PAPSS1: variants seen among roughly 807,000 people sequenced by gnomAD.
The protein encoded by PAPSS1 is bifunctional 3'-phosphoadenosine 5'-phosphosulfate synthase 1.
Under a neutral mutation model 72.0 loss-of-function variants are expected in PAPSS1, and 50 were observed. The observed-to-expected ratio is 0.69, with a 90% CI of 0.55 to 0.88. The LOEUF is 0.88. Among genes scored for constraint, PAPSS1 ranks in the 40% least tolerant of loss-of-function variants. The pLI, the probability that PAPSS1 is intolerant of heterozygous loss-of-function variation, is 0.00. For synonymous variants in PAPSS1, 261 were observed against 263.6 expected (o/e 0.99, Z 0.09); for missense variants, 657 against 782.2 (o/e 0.84, Z 1.91).
At chr4:107,680,746 A>G (rs950262679) in intron 5 of PAPSS1, among the ~76,000 whole-genome samples, 3 of 152,200 alleles carry the variant, frequency 2.0e-5, no homozygotes, top group African/African-American at 7.2e-5. Context: ...CTTTGGAGAG[A>G]TAAGGAGGAA....
chr4:107,712,878 G>GAAA (rs11380474), intron 1 of PAPSS1, among the ~76,000 whole-genome samples: 4 of 140,160 alleles, frequency 2.9e-5, no homozygotes, highest in Admixed American at 1.4e-4. Flanking sequence ...TCTCGGGAAA[G>GAAA]AAAAAAAAAA....
At chr4:107,672,735 G>A (rs1173061261) in intron 5 of PAPSS1, among the ~76,000 whole-genome samples, 1 of 152,196 alleles carries the variant, frequency 6.6e-6, no homozygotes, top group African/African-American at 2.4e-5. Context: ...CTCCCAGCAT[G>A]CAGCTGGAGA....
At chr4:107,688,056 A>G (rs1722833546) in intron 3 of PAPSS1, among the ~76,000 whole-genome samples, 1 of 151,978 alleles carries the variant, frequency 6.6e-6, no homozygotes, top group South Asian at 2.1e-4. Flanking sequence ...CTGTCATACA[A>G]ATTTATCTAC....
At chr4:107,650,454 T>G (rs972504551) in intron 9 of PAPSS1, among the ~76,000 whole-genome samples, 1 of 152,168 alleles carries the variant, frequency 6.6e-6, no homozygotes, top group Non-Finnish European at 1.5e-5. Flanking sequence ...AGTCCCTAAT[T>G]ATGAATAAGT....
intron 6 of PAPSS1, among the ~76,000 whole-genome samples, chr4:107,657,262 C>T (rs1307388736): frequency 1.3e-5 from 2 of 152,186 alleles, no homozygotes; most frequent in African/African-American, 4.8e-5. Context: ...TCAAACTTTA[C>T]CTCAAACCCC....
At chr4:107,689,910 A>T (rs1722874530) in intron 3 of PAPSS1, among the ~76,000 whole-genome samples, 1 of 152,152 alleles carries the variant, frequency 6.6e-6, no homozygotes, top group Non-Finnish European at 1.5e-5. Flanking sequence ...TTATTCAGAA[A>T]GCACCATGCT....
intron 11 of PAPSS1, among the ~76,000 whole-genome samples, chr4:107,623,685 T>G (rs570919855): frequency 1.3e-5 from 2 of 152,116 alleles, no homozygotes; most frequent in African/African-American, 4.8e-5. Context: ...TGAATGGGAG[T>G]GTCTCCTGTT....
At chr4:107,650,714 GAA>G (rs1726816072) in intron 9 of PAPSS1, among the ~76,000 whole-genome samples, 1 of 152,074 alleles carries the variant, frequency 6.6e-6, no homozygotes, top group South Asian at 2.1e-4. Flanking sequence ...CTTTGAATAA[GAA>G]ATCTGGAGAT....
At position 107,634,094 on chromosome 4, in the gene PAPSS1, T is replaced by C. The variant is rs182717642; in HGVS notation, c.1507-2234A>G. 1.1e-3 allele frequency among the ~76,000 whole-genome samples: 166 copies of C among 152,192 alleles called. 2 individuals carry two copies. The highest frequency in any genetic ancestry group is 0.01 in the Admixed American group (158 of 15,286). On this transcript the variant is annotated intron_variant, in intron 10 of 11. Coordinates refer to ENST00000265174, the MANE Select transcript of PAPSS1 (RefSeq NM_005443.5). The stretch of plus-strand genomic sequence containing the variant: ...GTGCAGTGGTGCAAAAATGGTTTAC[T>C]GCAGGTTCAGCCTCCCGGGCTCAGG...
chr4:107,665,698 G>T (rs1727297451), intron 5 of PAPSS1, among the ~76,000 whole-genome samples: 1 of 152,150 alleles, frequency 6.6e-6, no homozygotes, highest in African/African-American at 2.4e-5. Flanking sequence ...TGTAAGTCTA[G>T]AGATATTATA....
intron 10 of PAPSS1, among the ~76,000 whole-genome samples, chr4:107,637,181 AATTGTTCT>A (rs1726406907): frequency 6.6e-6 from 1 of 152,164 alleles, no homozygotes. Flanking sequence ...TCAGAGTTAG[AATTGTTCT>A]AGATTCATCC....
At chr4:107,681,228 T>C (rs776025343) in intron 5 of PAPSS1, among the ~76,000 whole-genome samples, 4 of 152,054 alleles carry the variant, frequency 2.6e-5, no homozygotes, top group Non-Finnish European at 4.4e-5. Context: ...GGAAAGATGA[T>C]GTCTTTTTCT....
chr4:107,656,143 C>T lies in PAPSS1; in HGVS notation c.895+753G>A, dbSNP rs146100888. Among the ~76,000 whole-genome samples the T allele has an allele frequency of 2.9e-3, 438 of 152,218 alleles. 2 individuals are homozygous for T. The highest frequency in any genetic ancestry group is 1.0e-2 in the African/African-American group (414 of 41,536). ...TATTTGTTTTTTTGAGACAGAGTCT[C>T]ATCCTTTCGCCCAGGCTAGAGTATA... On this transcript the variant is annotated intron_variant, in intron 7 of 11. Transcript: ENST00000265174.
At chr4:107,656,181 T>A (rs1727000498) in intron 7 of PAPSS1, among the ~76,000 whole-genome samples, 1 of 152,166 alleles carries the variant, frequency 6.6e-6, no homozygotes, top group Admixed American at 6.5e-5. Context: ...GGTGCCATGA[T>A]CTTGGCTCAC....
At chr4:107,651,522 G>A (rs371440935) in intron 9 of PAPSS1, among the ~76,000 whole-genome samples, 9 of 152,150 alleles carry the variant, frequency 5.9e-5, no homozygotes, top group Non-Finnish European at 1.2e-4. Context: ...CCACACAGCT[G>A]GGGAGGCCTC....
intron 11 of PAPSS1, among the ~76,000 whole-genome samples, chr4:107,618,265 T>C (rs879601573): frequency 7.2e-5 from 11 of 151,946 alleles, no homozygotes; most frequent in South Asian, 2.1e-4. Context: ...AAACACTGAG[T>C]TGACAAATCA....
At chr4:107,701,436 GGT>G in intron 1 of PAPSS1, 151 bp from the exon 2 acceptor site, 1 of 541,254 alleles carries the variant, frequency 1.8e-6, no homozygotes, top group East Asian at 3.0e-5. Flanking sequence ...GTACTGGCAT[GGT>G]GTTTACTGCT....
In PAPSS1 at chr4:107,613,814, A is replaced by G. The variant is rs1725751948; in HGVS notation, c.*435T>C. ...GCAGTTTCTATTTTCAATGTAGAAAAAAAATCTAATCGCTACAAAGGTCTT... is the reference window on the plus strand; with the variant it reads ...GCAGTTTCTATTTTCAATGTAGAAAGAAAATCTAATCGCTACAAAGGTCTT... On this transcript the variant is annotated 3_prime_UTR_variant, in exon 12 of 12. Transcript: ENST00000265174. 6.6e-6 allele frequency: 1 copy of G among 152,384 alleles called. No individual in the cohort carries two copies. Among genetic ancestry groups the G allele is most frequent in the Non-Finnish European group, 1.5e-5 (1 of 68,156 alleles). The allele number at this position is 152,384 out of a possible 1,614,324, so 9.4% of individuals were successfully genotyped here. A position where few individuals can be genotyped will look rare whatever the true frequency, so the allele number is the denominator to read the frequency against.
chr4:107,638,437 A>T (rs1726445796), intron 10 of PAPSS1, among the ~76,000 whole-genome samples: 1 of 152,198 alleles, frequency 6.6e-6, no homozygotes, highest in Non-Finnish European at 1.5e-5. Context: ...CCTCAAATGT[A>T]AGAGCTGCAT....
Sources: allele counts gnomAD v4.1 joint callset (sites outside exome capture counted in the v4.1 genomes callset), GRCh38; gene constraint gnomAD v4.1.1; transcripts MANE v1.5; gene names NCBI Gene and HGNC (gene_info 2026-07-23, HGNC 2026-07-21).